Variants in TMEM74 observed in about 807,000 individuals in gnomAD.
TMEM74 encodes the protein transmembrane protein 74.
Under a neutral mutation model 18.1 loss-of-function variants are expected in TMEM74, and 13 were observed. That is an observed-to-expected ratio of 0.72 (90% CI 0.47 to 1.14). TMEM74 has a LOEUF of 1.14. TMEM74 is among the 50% of genes most tolerant of loss of function. The probability of loss-of-function intolerance (pLI) is 0.00; values close to 1 mark genes in which losing one functional copy is unlikely to be tolerated. For synonymous variants in TMEM74, 159 were observed against 146.6 expected (o/e 1.08, Z -0.61); for missense variants, 372 against 375.9 (o/e 0.99, Z 0.09).
At chr8:108,752,764 T>G (rs930120340) in intron 1 of TMEM74, among the ~76,000 whole-genome samples, 3 of 152,134 alleles carry the variant, frequency 2.0e-5, no homozygotes, top group African/African-American at 7.2e-5. Flanking sequence ...TTCTTACACT[T>G]TTGTAAGCAT....
At chr8:108,721,178 A>T (rs1454530260) in intron 1 of TMEM74, among the ~76,000 whole-genome samples, 1 of 152,158 alleles carries the variant, frequency 6.6e-6, no homozygotes. Flanking sequence ...ACAGTGGTGA[A>T]TCAAACATTG....
Position 108,782,105 on chromosome 8 carries a change from AAC to A in TMEM74, c.*2074_*2075del, listed in dbSNP as rs1814314254. On this transcript the variant is annotated 3_prime_UTR_variant, in exon 2 of 2. Coordinates refer to ENST00000297459, the MANE Select transcript of TMEM74 (RefSeq NM_153015.3). Reference sequence around the variant, plus strand: ...CTTTTTTTTAATGCCTTCTTTTTTTAACACACAGCTCAGACCTACTCACTCAG... The same window carrying A: ...CTTTTTTTTAATGCCTTCTTTTTTTAACACAGCTCAGACCTACTCACTCAG... Among the ~76,000 whole-genome samples the A allele has an allele frequency of 1.3e-5, 2 of 152,060 alleles. No homozygotes were observed. The highest frequency in any genetic ancestry group is 4.1e-4 in the South Asian group (2 of 4,824).
chr8:108,609,579 C>G (rs1812313273), intron 2 of TMEM74, among the ~76,000 whole-genome samples: 1 of 151,992 alleles, frequency 6.6e-6, no homozygotes, highest in Non-Finnish European at 1.5e-5. Context: ...ACCCAGGAGG[C>G]AGAGGTTGGA....
At chr8:108,756,834 G>A (rs777839327) in intron 1 of TMEM74, among the ~76,000 whole-genome samples, 9 of 149,150 alleles carry the variant, frequency 6.0e-5, no homozygotes, top group Non-Finnish European at 1.3e-4. Context: ...GGAAGGAAAT[G>A]TATCCTTATA....
rs112714104 is a variant in TMEM74, at chr8:108,784,559, G to A, written c.540C>T (p.Ser180=). Reference sequence around the variant, plus strand: ...TCCCAGTGACCAAGAACAAGATGGCGCTGATGAAACCATAGTCTATAGACT... The same window carrying A: ...TCCCAGTGACCAAGAACAAGATGGCACTGATGAAACCATAGTCTATAGACT... ...SGKSIDYGFI[S]AILFLVTGIL... is the part of the protein sequence containing the mutation. Residue 180 remains serine, a synonymous_variant, in exon 2 of 2, where the codon AGC becomes AGT. Transcript: ENST00000297459. 8.8e-4 allele frequency: 1,427 copies of A among 1,614,106 alleles called. 10 individuals are homozygous for A. In the African/African-American group the frequency reaches 0.017, roughly 19 times the overall value.
At chr8:108,754,773 G>A (rs1470990435) in intron 1 of TMEM74, among the ~76,000 whole-genome samples, 2 of 151,734 alleles carry the variant, frequency 1.3e-5, no homozygotes, top group African/African-American at 4.8e-5. Flanking sequence ...TCAAGCTGAA[G>A]ACACAGGAAA....
intron 1 of TMEM74, among the ~76,000 whole-genome samples, chr8:108,686,275 T>C (rs1288863675): frequency 6.6e-6 from 1 of 152,142 alleles, no homozygotes; most frequent in Non-Finnish European, 1.5e-5. Flanking sequence ...CTTGGCTCAC[T>C]GCAAGCTCCA....
intron 2 of TMEM74, among the ~76,000 whole-genome samples, chr8:108,619,258 A>C (rs1367994370): frequency 1.3e-5 from 2 of 152,250 alleles, no homozygotes; most frequent in Non-Finnish European, 2.9e-5. Context: ...AACTAGAAAC[A>C]GCAACTAGGA....
intron 2 of TMEM74, among the ~76,000 whole-genome samples, chr8:108,626,951 A>G (rs549308746): frequency 6.6e-5 from 10 of 152,174 alleles, no homozygotes; most frequent in African/African-American, 2.4e-4. Context: ...AAAGAAGATT[A>G]GGTAATTTTG....
intron 1 of TMEM74, among the ~76,000 whole-genome samples, chr8:108,712,265 G>A (rs534473226): frequency 2.0e-5 from 3 of 152,106 alleles, no homozygotes; most frequent in African/African-American, 4.8e-5. Flanking sequence ...TTAGGGATAC[G>A]CTGCACATGG....
At chr8:108,776,827 G>A (rs1002634002), downstream of TMEM74, among the ~76,000 whole-genome samples, 1 of 152,032 alleles carries the variant, frequency 6.6e-6, no homozygotes, top group African/African-American at 2.4e-5. Context: ...AGAAGGAAAA[G>A]GAGGATGAGG....
chr8:108,695,347 G>T (rs1321456817), intron 1 of TMEM74, among the ~76,000 whole-genome samples: 1 of 152,196 alleles, frequency 6.6e-6, no homozygotes, highest in Non-Finnish European at 1.5e-5. Flanking sequence ...TAGTAAGGAG[G>T]TGTAAGAAGC....
In TMEM74 at chr8:108,781,240, T is replaced by C. The variant is rs891239586; in HGVS notation, c.*2941A>G. Among the ~76,000 whole-genome samples, 5 of 152,140 alleles carry C rather than the reference T, an allele frequency of 3.3e-5. No individual in the cohort carries two copies. The highest frequency in any genetic ancestry group is 9.7e-5 in the African/African-American group (4 of 41,448). On this transcript the variant is annotated 3_prime_UTR_variant, in exon 2 of 2. Coordinates refer to ENST00000297459, the MANE Select transcript of TMEM74 (RefSeq NM_153015.3). ...CTTTCACAGGTAACAACCAGCACCA[T>C]ATTGAAGAGACAGACGGAAGGTCAC...
intron 1 of TMEM74, among the ~76,000 whole-genome samples, chr8:108,746,573 A>G (rs1041805515): frequency 3.9e-5 from 6 of 152,136 alleles, no homozygotes. Flanking sequence ...TTACTGACAC[A>G]GAGCTCCTAA....
chr8:108,727,254 G>T lies in TMEM74; in HGVS notation n.119+60222C>A, dbSNP rs568024684. Among the ~76,000 whole-genome samples, 9 of 152,246 alleles carry T rather than the reference G, an allele frequency of 5.9e-5. 1 individual carries two copies. Among genetic ancestry groups the T allele is most frequent in the African/African-American group, 1.9e-4 (8 of 41,540 alleles). On this transcript the variant is annotated intron_variant and non_coding_transcript_variant, in intron 1 of 3. Coordinates refer to the TMEM74 transcript ENST00000518838. ...GAAATAATGATTTGAGTTATAAAAA[G>T]ATCACTCCAGCTGCTGTGTGGAGAA...
intron 2 of TMEM74, chr8:108,652,877 T>G (rs1169837900): frequency 1.6e-5 from 8 of 507,296 alleles, no homozygotes; most frequent in Non-Finnish European, 3.1e-5. Flanking sequence ...CCATTTTGGA[T>G]CTGCCTCACT....
chr8:108,743,378 C>T (rs1279907922), intron 1 of TMEM74, among the ~76,000 whole-genome samples: 2 of 152,044 alleles, frequency 1.3e-5, no homozygotes, highest in African/African-American at 4.8e-5. Flanking sequence ...TGCAGCAAAA[C>T]AACTTTGTGA....
intron 2 of TMEM74, among the ~76,000 whole-genome samples, chr8:108,609,809 C>T (rs1586232436): frequency 6.6e-6 from 1 of 152,172 alleles, no homozygotes; most frequent in Non-Finnish European, 1.5e-5. Flanking sequence ...TATTGTCATT[C>T]TGCTCATCCC....
intron 1 of TMEM74, among the ~76,000 whole-genome samples, chr8:108,764,566 T>A (rs1436786274): frequency 6.6e-6 from 1 of 152,158 alleles, no homozygotes; most frequent in Non-Finnish European, 1.5e-5. Flanking sequence ...TAATACCTTA[T>A]TCCTCTGTAT....
Sources: allele counts gnomAD v4.1 joint callset (sites outside exome capture counted in the v4.1 genomes callset), GRCh38; gene constraint gnomAD v4.1.1; transcripts MANE v1.5; gene names NCBI Gene and HGNC (gene_info 2026-07-23, HGNC 2026-07-21).